Variants in GHITM observed in about 807,000 individuals in gnomAD.
GHITM encodes the protein growth hormone inducible transmembrane protein, also known as growth hormone-inducible transmembrane protein.
In GHITM, 24 loss-of-function variants were observed where a neutral mutation model predicts 38.7. The observed-to-expected ratio is 0.62, with a 90% CI of 0.45 to 0.87. The LOEUF is 0.87. Among genes scored for constraint, GHITM ranks in the 40% least tolerant of loss-of-function variants. The pLI is 0.00. For synonymous variants in GHITM, 154 were observed against 147.8 expected (o/e 1.04, Z -0.30); for missense variants, 420 against 429.8 (o/e 0.98, Z 0.20).
intron 5 of GHITM, among the ~76,000 whole-genome samples, chr10:84,147,003 C>T (rs185988533): frequency 6.6e-6 from 1 of 152,238 alleles, no homozygotes; most frequent in East Asian, 1.9e-4. Flanking sequence ...GAGACAGTAC[C>T]AGAGTAAGTC....
intron 6 of GHITM, among the ~76,000 whole-genome samples, chr10:84,149,798 T>A (rs1410481384): frequency 6.6e-6 from 1 of 152,206 alleles, no homozygotes; most frequent in Non-Finnish European, 1.5e-5. Flanking sequence ...TGGAATTTGA[T>A]GGTTACTAAA....
At chr10:84,141,907 T>C (rs1427514118) in intron 2 of GHITM, among the ~76,000 whole-genome samples, 2 of 151,044 alleles carry the variant, frequency 1.3e-5, no homozygotes, top group Non-Finnish European at 2.9e-5. Context: ...GAGAGTTACA[T>C]AGTGTAACGG....
At chr10:84,141,182 C>T (rs1228157988) in intron 1 of GHITM, among the ~76,000 whole-genome samples, 1 of 152,212 alleles carries the variant, frequency 6.6e-6, no homozygotes, top group Non-Finnish European at 1.5e-5. Flanking sequence ...CTGTGTTACA[C>T]ATAATTTTTG....
chr10:84,141,694 A>G, intron 2 of GHITM, 65 bp downstream of exon 2: 1 of 1,502,904 alleles, frequency 6.7e-7, no homozygotes, highest in South Asian at 1.1e-5. Flanking sequence ...TTTTTGGCAG[A>G]GTATGGCTGC....
chr10:84,141,082 C>T (rs1419925228), intron 1 of GHITM, among the ~76,000 whole-genome samples: 3 of 152,166 alleles, frequency 2.0e-5, no homozygotes, highest in Admixed American at 6.5e-5. Flanking sequence ...TAAATTTTCC[C>T]ACTGGATGCT....
chr10:84,144,346 T>C (rs1189239332), intron 4 of GHITM, among the ~76,000 whole-genome samples: 1 of 117,294 alleles, frequency 8.5e-6, no homozygotes, highest in Non-Finnish European at 1.8e-5. Flanking sequence ...AAATATGTTT[T>C]TTGTTTGTTT....
At position 84,142,660 on chromosome 10, in the gene GHITM, T is replaced by C. The variant is rs1564641601; in HGVS notation, c.135T>C (p.Tyr45=). The change falls in exon 3 of 9, where the codon TAT becomes TAC. Residue 45 remains tyrosine (Y), a synonymous_variant. Transcript: ENST00000372134. ...TTTGTTTGCATGTGTGTCAGGAATA[T>C]GCCACCAAAACAAGAATTGGGATCC... is the stretch of plus-strand genomic sequence containing the variant. The part of the protein sequence containing the change: ...NQWLLTPSRE[Y]ATKTRIGIRR... 1 of 1,609,378 alleles carries C rather than the reference T, an allele frequency of 6.2e-7. No homozygotes were observed. Among genetic ancestry groups the C allele is most frequent in the African/African-American group, 1.3e-5 (1 of 74,938 alleles).
chr10:84,150,493 A>G (rs1841600589), intron 7 of GHITM, among the ~76,000 whole-genome samples: 1 of 152,252 alleles, frequency 6.6e-6, no homozygotes, highest in Non-Finnish European at 1.5e-5. Context: ...GCTCTGATGC[A>G]AGAACCTTCC....
chr10:84,147,980 T>A (rs115249442), intron 5 of GHITM, among the ~76,000 whole-genome samples: 1,555 of 152,250 alleles, frequency 0.01, 25 homozygotes, highest in African/African-American at 0.034. Flanking sequence ...ATATTTTTTT[T>A]AAAAATTACT....
intron 2 of GHITM, 148 bp downstream of exon 2, chr10:84,141,777 G>C (rs1278878806): frequency 1.4e-6 from 1 of 718,804 alleles, no homozygotes; most frequent in Non-Finnish European, 2.4e-6. Context: ...CCATTAGTTT[G>C]TATCATTCTG....
intron 1 of GHITM, chr10:84,140,703 G>A (rs1182182180): frequency 6.6e-6 from 1 of 151,814 alleles, no homozygotes; most frequent in African/African-American, 2.4e-5. Context: ...CTGACTTCTG[G>A]TTGACCACCC....
rs376784765 is a variant in GHITM at position 84,151,940 on chromosome 10, A to G, written c.954-324A>G. 9.2e-5 allele frequency among the ~76,000 whole-genome samples: 14 copies of G among 152,286 alleles called. No homozygotes were observed. The East Asian group carries it at 1.2e-3, about 13-fold the overall frequency. On this transcript the variant is annotated intron_variant, in intron 8 of 8. Coordinates refer to ENST00000372134, the MANE Select transcript of GHITM (RefSeq NM_014394.3). The stretch of plus-strand genomic sequence containing the variant: ...CTAGACTTGTGTCTAACAGGTTTTT[A>G]TAAAGGTGTTTCTTTGGTCTTGTTT...
At position 84,144,901 on chromosome 10, in the gene GHITM, G is replaced by T. The variant is rs778469048; in HGVS notation, c.368G>T (p.Arg123Ile). 1 of 1,602,038 alleles carries T rather than the reference G, an allele frequency of 6.2e-7. No homozygotes were observed. Among genetic ancestry groups the T allele is most frequent in the South Asian group, 1.1e-5 (1 of 89,546 alleles). Residue 123 changes from arginine (R) to isoleucine (I), a missense_variant, in exon 5 of 9, where the codon AGA (arginine) becomes ATA (isoleucine). Arg to Ile is a moderately conservative substitution (Grantham distance 97). Coordinates refer to ENST00000372134, the MANE Select transcript of GHITM (RefSeq NM_014394.3). Reference protein sequence around the residue: ...AVIWPQYVKDRIHSTYMYLAG... With the variant: ...AVIWPQYVKDIIHSTYMYLAG... ...ATTTGGCCTCAGTATGTCAAGGATAGAATTCATTCCACCTATATGTACTTA... is the reference window on the plus strand; with the variant it reads ...ATTTGGCCTCAGTATGTCAAGGATATAATTCATTCCACCTATATGTACTTA...
chr10:84,147,994 T>A (rs1841572937), intron 5 of GHITM, among the ~76,000 whole-genome samples: 1 of 152,172 alleles, frequency 6.6e-6, no homozygotes, highest in Non-Finnish European at 1.5e-5. Flanking sequence ...AATTACTAAT[T>A]TGTAAGCATC....
intron 5 of GHITM, 22 bp from the exon 6 acceptor site, chr10:84,148,708 C>T (rs1841581517): frequency 6.7e-7 from 1 of 1,484,082 alleles, no homozygotes; most frequent in Admixed American, 1.7e-5. Context: ...ATCAGTTTTT[C>T]TTAATAGTAC....
chr10:84,148,062 G>A (rs1289437902), intron 5 of GHITM, among the ~76,000 whole-genome samples: 1 of 152,026 alleles, frequency 6.6e-6, no homozygotes, highest in Admixed American at 6.5e-5. Flanking sequence ...TTAATTAAGA[G>A]TTAATTATCT....
At chr10:84,140,784 G>T (rs559071081) in intron 1 of GHITM, among the ~76,000 whole-genome samples, 1 of 152,008 alleles carries the variant, frequency 6.6e-6, no homozygotes, top group Non-Finnish European at 1.5e-5. Context: ...AGACACCATC[G>T]AGGGAGTCTA....
In GHITM at chr10:84,150,143, A is replaced by T. The variant is rs1439611341; in HGVS notation, c.681A>T (p.Gly227=). 6.2e-7 allele frequency: 1 copy of T among 1,613,868 alleles called. No homozygotes were observed. The highest frequency in any genetic ancestry group is 2.2e-5 in the East Asian group (1 of 44,896). ...CATGGTACACAGCTGGCATTGTGGG[A>T]GGCCTCTCCACTGTGGCCATGTGTG... ...RAAWYTAGIV[G]GLSTVAMCAP... is the part of the protein sequence containing the mutation. Residue 227 remains glycine (G), a synonymous_variant, in exon 7 of 9, where the codon GGA becomes GGT. Transcript: ENST00000372134.
At position 84,148,797 on chromosome 10, in the gene GHITM, A is replaced by C. The variant is rs1401821281; in HGVS notation, c.551A>C (p.Gln184Pro). Residue 184 changes from glutamine to proline, a missense_variant, in exon 6 of 9, where the codon CAG becomes CCG. Coordinates refer to ENST00000372134, the MANE Select transcript of GHITM (RefSeq NM_014394.3). ...CTGGTACGATCAATACCATATGACC[A>C]GAGCCCAGGCCCAAAGCATCTTGCT... ...GMLVRSIPYD[Q>P]SPGPKHLAWL... is the part of the protein sequence containing the mutation. The C allele has an allele frequency of 1.9e-6, 3 of 1,613,028 alleles. No homozygotes were observed. Among genetic ancestry groups the C allele is most frequent in the Non-Finnish European group, 2.5e-6 (3 of 1,178,972 alleles).
Sources: allele counts gnomAD v4.1 joint callset (sites outside exome capture counted in the v4.1 genomes callset), GRCh38; gene constraint gnomAD v4.1.1; transcripts MANE v1.5; gene names NCBI Gene and HGNC (gene_info 2026-07-23, HGNC 2026-07-21).